RFX3: variants seen among roughly 807,000 people sequenced by gnomAD.
RFX3 encodes regulatory factor X3.
Under a neutral mutation model 98.6 loss-of-function variants are expected in RFX3, and 14 were observed. The ratio of observed to expected loss-of-function variants is 0.14; its 90% CI spans 0.09 to 0.22. The LOEUF is 0.22. Among genes scored for constraint, RFX3 ranks in the 10% least tolerant of loss-of-function variants. The pLI is 1.00. For missense variants in RFX3, 639 were observed against 926.9 expected, an observed-to-expected ratio of 0.69 and a Z score of 4.03; for synonymous variants, 383 against 328.4, an observed-to-expected ratio of 1.17 and a Z score of -1.80.
chr9:3,263,354 C>T (rs1351813143), intron 12 of RFX3, among the ~76,000 whole-genome samples: 1 of 152,124 alleles, frequency 6.6e-6, no homozygotes, highest in Non-Finnish European at 1.5e-5. Flanking sequence ...ACTAGTCTTG[C>T]AAGTGACTAC....
intron 1 of RFX3, among the ~76,000 whole-genome samples, chr9:3,488,031 T>G: frequency 6.6e-6 from 1 of 152,152 alleles, no homozygotes; most frequent in African/African-American, 2.4e-5. Flanking sequence ...GTATTATAAT[T>G]ACTGTTCTAT....
At chr9:3,409,331 C>T (rs1483352208) in intron 1 of RFX3, among the ~76,000 whole-genome samples, 2 of 152,210 alleles carry the variant, frequency 1.3e-5, no homozygotes, top group African/African-American at 2.4e-5. Flanking sequence ...ATTGGATGAA[C>T]ATGTTGCTTC....
intron 3 of RFX3, among the ~76,000 whole-genome samples, chr9:3,340,012 G>T (rs1415622906): frequency 6.6e-6 from 1 of 151,994 alleles, no homozygotes; most frequent in African/African-American, 2.4e-5. Context: ...ATACTACAAG[G>T]CTACAGTAAC....
Position 3,290,779 on chromosome 9 carries a change from T to C in RFX3, c.731+2298A>G, listed in dbSNP as rs1473316987. On this transcript the variant is annotated intron_variant, in intron 6 of 16. Transcript: ENST00000617270. ...AATGCTACAGAAAAGCAATAATTCATGCTAATACATACAGGCCTTGTAAAT... is the reference window on the plus strand; with the variant it reads ...AATGCTACAGAAAAGCAATAATTCACGCTAATACATACAGGCCTTGTAAAT... Among the ~76,000 whole-genome samples, 4 of 152,240 alleles carry C rather than the reference T, an allele frequency of 2.6e-5. No homozygotes were observed. In the East Asian group the frequency reaches 5.8e-4, roughly 22 times the overall value.
chr9:3,508,897 A>G (rs1817387056), intron 1 of RFX3, among the ~76,000 whole-genome samples: 1 of 151,858 alleles, frequency 6.6e-6, no homozygotes, highest in East Asian at 1.9e-4. Context: ...CATCTTTAGC[A>G]CAATACCGAA....
intron 1 of RFX3, among the ~76,000 whole-genome samples, chr9:3,404,289 G>A (rs1587536993): frequency 6.6e-6 from 1 of 152,200 alleles, no homozygotes; most frequent in East Asian, 1.9e-4. Context: ...TTCATTATAT[G>A]TATATGTATA....
intron 1 of RFX3, among the ~76,000 whole-genome samples, chr9:3,520,681 T>A (rs1330123121): frequency 6.6e-6 from 1 of 152,148 alleles, no homozygotes; most frequent in African/African-American, 2.4e-5. Context: ...TTCGTTTCTG[T>A]TTTTGGTGTT....
At chr9:3,383,186 T>C (rs550724147) in intron 2 of RFX3, among the ~76,000 whole-genome samples, 5 of 152,256 alleles carry the variant, frequency 3.3e-5, no homozygotes, top group African/African-American at 9.6e-5. Context: ...TCTATATTTA[T>C]TGATGTTCAT....
chr9:3,271,962 A>G (rs1162512694), intron 9 of RFX3, among the ~76,000 whole-genome samples: 1 of 151,490 alleles, frequency 6.6e-6, no homozygotes, highest in Non-Finnish European at 1.5e-5. Flanking sequence ...TCTCCTTTTC[A>G]AATCTCGGGG....
chr9:3,476,453 C>G (rs1466737820), intron 1 of RFX3, among the ~76,000 whole-genome samples: 2 of 152,042 alleles, frequency 1.3e-5, no homozygotes, highest in African/African-American at 2.4e-5. Context: ...TATTTATGGA[C>G]TGCTTGAAAA....
chr9:3,272,153 G>C (rs997340225), intron 9 of RFX3, among the ~76,000 whole-genome samples: 9 of 152,180 alleles, frequency 5.9e-5, no homozygotes, highest in South Asian at 4.2e-4. Context: ...TAAAACTAAA[G>C]AATAACCTGT....
intron 1 of RFX3, chr9:3,400,171 C>T (rs1253279301): frequency 1.2e-6 from 1 of 861,816 alleles, no homozygotes; most frequent in Non-Finnish European, 1.4e-6. Flanking sequence ...GATGTTACAT[C>T]ACTTACCGAA....
intron 14 of RFX3, among the ~76,000 whole-genome samples, chr9:3,254,586 G>A (rs972238307): frequency 1.3e-5 from 2 of 151,572 alleles, no homozygotes; most frequent in Non-Finnish European, 2.9e-5. Context: ...CGCCCAGGCT[G>A]GAGTGCAGTG....
In RFX3 at chr9:3,228,007, G is replaced by A. The variant is rs7043987; in HGVS notation, c.2011+840C>T. On this transcript the variant is annotated intron_variant, in intron 16 of 16. Coordinates refer to ENST00000617270, the MANE Select transcript of RFX3 (RefSeq NM_001282116.2). ...GTTCTCCCCAGTTTTTGTGCATTTT[G>A]TACCTGTCGCCGATAGTCAATAACC... Among the ~76,000 whole-genome samples, 629 of 152,248 alleles carry A rather than the reference G, an allele frequency of 4.1e-3. 5 individuals are homozygous for A. The highest frequency in any genetic ancestry group is 0.014 in the African/African-American group (563 of 41,548).
chr9:3,308,883 T>C lies in RFX3; in HGVS notation c.475-7263A>G, dbSNP rs768010745. On this transcript the variant is annotated intron_variant, in intron 4 of 16. Transcript: ENST00000617270. ...ACTGGAGAATTACAGCAAATACATA[T>C]GTGAGTCAGCTCCACTAACCAAACT... is the stretch of plus-strand genomic sequence containing the variant. 5.3e-5 allele frequency among the ~76,000 whole-genome samples: 8 copies of C among 152,086 alleles called. No homozygotes were observed. In the South Asian group the frequency reaches 6.2e-4, roughly 12 times the overall value.
intron 4 of RFX3, among the ~76,000 whole-genome samples, chr9:3,324,711 C>G (rs1160778214): frequency 1.3e-5 from 2 of 151,920 alleles, no homozygotes; most frequent in African/African-American, 4.8e-5. Context: ...GCCTGTAATC[C>G]CAGCACTTTG....
intron 1 of RFX3, among the ~76,000 whole-genome samples, chr9:3,467,200 T>C (rs1848368836): frequency 6.9e-6 from 1 of 144,216 alleles, no homozygotes; most frequent in African/African-American, 2.6e-5. Context: ...ATATATAATG[T>C]ATGTGTATAT....
intron 2 of RFX3, among the ~76,000 whole-genome samples, chr9:3,386,502 T>C (rs1490865887): frequency 1.3e-5 from 2 of 152,256 alleles, no homozygotes; most frequent in East Asian, 3.9e-4. Context: ...CCCAGTCATA[T>C]AAGTAGAAAG....
At chr9:3,456,983 C>CCAA (rs1847225061) in intron 1 of RFX3, among the ~76,000 whole-genome samples, 1 of 151,546 alleles carries the variant, frequency 6.6e-6, no homozygotes, top group Non-Finnish European at 1.5e-5. Context: ...CCCGTCTCTA[C>CCAA]TACAGAAATT....
Sources: allele counts gnomAD v4.1 joint callset (sites outside exome capture counted in the v4.1 genomes callset), GRCh38; gene constraint gnomAD v4.1.1; transcripts MANE v1.5; gene names NCBI Gene and HGNC (gene_info 2026-07-23, HGNC 2026-07-21).